SH2D4A: variants seen among roughly 807,000 people sequenced by gnomAD.
SH2D4A encodes SH2 domain containing 4A.
Under a neutral mutation model 64.7 loss-of-function variants are expected in SH2D4A, and 70 were observed. That is an observed-to-expected ratio of 1.08 (90% CI 0.89 to 1.32). The LOEUF (loss-of-function observed/expected upper bound fraction) is 1.32. SH2D4A is among the 40% of genes most tolerant of loss of function. SH2D4A has a pLI of 0.00. For missense variants in SH2D4A, 706 were observed against 540.1 expected (o/e 1.31, Z -3.04); for synonymous variants, 268 against 200.7 (o/e 1.34, Z -2.83).
intron 3 of SH2D4A, among the ~76,000 whole-genome samples, chr8:19,334,140 G>A (rs534143374): frequency 6.6e-6 from 1 of 152,254 alleles, no homozygotes; most frequent in African/African-American, 2.4e-5. Flanking sequence ...GATGTTGACA[G>A]CCTTACCCTG....
At chr8:19,342,769 C>T (rs1490155311) in intron 4 of SH2D4A, among the ~76,000 whole-genome samples, 5 of 152,156 alleles carry the variant, frequency 3.3e-5, no homozygotes, top group Non-Finnish European at 5.9e-5. Context: ...TTGGGCTTTT[C>T]CCCTCCACTA....
At chr8:19,337,826 A>G (rs1172145583) in intron 4 of SH2D4A, among the ~76,000 whole-genome samples, 1 of 152,188 alleles carries the variant, frequency 6.6e-6, no homozygotes, top group African/African-American at 2.4e-5. Flanking sequence ...GCCTCCCACC[A>G]GGTTCCTCCC....
Position 19,357,214 on chromosome 8 carries a change from T to G in SH2D4A, c.525T>G (p.Ser175Arg), listed in dbSNP as rs2052806563. The G allele has an allele frequency of 6.2e-7, 1 of 1,613,378 alleles. No homozygotes were observed. Among genetic ancestry groups the G allele is most frequent in the African/African-American group, 1.3e-5 (1 of 74,932 alleles). ...LEEEKIRSLS[S>R]SSRNIQQMLA... ...CGTTTAATTTTTAGTCACTCTCCAGTTCTTCAAGAAATATTCAACAAATGT... is the reference window on the plus strand; with the variant it reads ...CGTTTAATTTTTAGTCACTCTCCAGGTCTTCAAGAAATATTCAACAAATGT... The change falls in exon 5 of 10, where the codon AGT (serine) becomes AGG (arginine). Residue 175 changes from serine (S) to arginine (R), a missense_variant. Coordinates refer to ENST00000265807, the MANE Select transcript of SH2D4A (RefSeq NM_022071.4).
At chr8:19,315,343 C>T (rs2052069810) in intron 1 of SH2D4A, among the ~76,000 whole-genome samples, 1 of 152,136 alleles carries the variant, frequency 6.6e-6, no homozygotes, top group Non-Finnish European at 1.5e-5. Context: ...GCCATGTTGC[C>T]CAAGCAGGTC....
intron 7 of SH2D4A, among the ~76,000 whole-genome samples, chr8:19,371,006 C>G (rs890055715): frequency 6.6e-6 from 1 of 152,030 alleles, no homozygotes; most frequent in African/African-American, 2.4e-5. Context: ...TACACTTTAC[C>G]TCCATTCTCT....
Position 19,373,518 on chromosome 8 carries a change from T to A in SH2D4A, c.918-12T>A. 6.4e-7 allele frequency: 1 copy of A among 1,566,396 alleles called. No homozygotes were observed. Among genetic ancestry groups the A allele is most frequent in the East Asian group, 2.3e-5 (1 of 44,408 alleles). ...AGTTAAATCTAACTTGAAAAACTTT[T>A]ATAAATAACAGAAATCAGGGAGTGG... On this transcript the variant is annotated splice_polypyrimidine_tract_variant and intron_variant, in intron 7 of 9. Coordinates refer to ENST00000265807, the MANE Select transcript of SH2D4A (RefSeq NM_022071.4).
At chr8:19,315,030 TTTTTA>T (rs1434332745) in intron 1 of SH2D4A, among the ~76,000 whole-genome samples, 3 of 152,264 alleles carry the variant, frequency 2.0e-5, no homozygotes, top group African/African-American at 2.4e-5. Context: ...TTTTATTTAT[TTTTTA>T]TTTTATTAGG....
At chr8:19,389,225 C>G (rs572069506) in intron 8 of SH2D4A, among the ~76,000 whole-genome samples, 1 of 152,182 alleles carries the variant, frequency 6.6e-6, no homozygotes, top group Non-Finnish European at 1.5e-5. Context: ...CCAACCAGAG[C>G]CTGCTGGTGT....
In SH2D4A at chr8:19,373,587, G is replaced by C; in HGVS notation, c.975G>C (p.Trp325Cys). The C allele has an allele frequency of 6.2e-7, 1 of 1,613,354 alleles. No homozygotes were observed. Among genetic ancestry groups the C allele is most frequent in the East Asian group, 2.2e-5 (1 of 44,830 alleles). ...SSSAQEDIIR[W>C]FKEEQLPLRA... ...CTGCCCAAGAGGACATCATCCGGTG[G>C]TTTAAAGAGGAGCAGCTACCACTTC... The change falls in exon 8 of 10, where the codon TGG (tryptophan) becomes TGC (cysteine). Residue 325 changes from tryptophan to cysteine, a missense_variant. Coordinates refer to ENST00000265807, the MANE Select transcript of SH2D4A (RefSeq NM_022071.4).
At position 19,332,153 on chromosome 8, in the gene SH2D4A, G is replaced by T. The variant is rs566315283; in HGVS notation, c.182-802G>T. ...CAATATAAATAAAATAATAAAACCT[G>T]CTTTTTACCCACCTATGAAGCCTGT... On this transcript the variant is annotated intron_variant, in intron 2 of 9. Transcript: ENST00000265807. Among the ~76,000 whole-genome samples the T allele has an allele frequency of 1.1e-3, 172 of 152,108 alleles. 1 individual carries two copies. Among genetic ancestry groups the T allele is most frequent in the African/African-American group, 4.0e-3 (168 of 41,502 alleles).
At chr8:19,375,946 A>G (rs552142758) in intron 8 of SH2D4A, among the ~76,000 whole-genome samples, 5 of 152,128 alleles carry the variant, frequency 3.3e-5, no homozygotes, top group African/African-American at 9.6e-5. Flanking sequence ...GCCCCTGTCT[A>G]TTGCTCCAGT....
At chr8:19,339,519 T>G (rs1028587277) in intron 4 of SH2D4A, among the ~76,000 whole-genome samples, 1 of 151,302 alleles carries the variant, frequency 6.6e-6, no homozygotes, top group Non-Finnish European at 1.5e-5. Flanking sequence ...TTTTTCTTTT[T>G]GAGGCAGGGT....
chr8:19,334,590 CTGTTTTTCACATAATT>C, intron 3 of SH2D4A, 80 bp from the exon 4 acceptor site: 1 of 1,362,958 alleles, frequency 7.3e-7, no homozygotes, highest in Non-Finnish European at 9.9e-7. Context: ...GTGTCAGTTA[CTGTTTTTCACATAATT>C]TGAATGTCGA....
intron 2 of SH2D4A, among the ~76,000 whole-genome samples, chr8:19,329,991 A>G (rs565779710): frequency 3.3e-5 from 5 of 152,312 alleles, no homozygotes; most frequent in African/African-American, 1.2e-4. Flanking sequence ...TGTGATGAAA[A>G]TTCATTAAAT....
At chr8:19,360,710 T>C (rs191026722) in intron 5 of SH2D4A, 1 of 152,340 alleles carries the variant, frequency 6.6e-6, no homozygotes, top group Admixed American at 6.5e-5. Context: ...GAGATTCAGC[T>C]GAGATTGCTC....
At position 19,335,491 on chromosome 8, in the gene SH2D4A, C is replaced by G. The variant is rs182217804; in HGVS notation, c.513+634C>G. Among the ~76,000 whole-genome samples, 793 of 152,256 alleles carry G rather than the reference C, an allele frequency of 5.2e-3. 5 individuals are homozygous for G. The highest frequency in any genetic ancestry group is 0.018 in the African/African-American group (743 of 41,540). On this transcript the variant is annotated intron_variant, in intron 4 of 9. Transcript: ENST00000265807. The stretch of plus-strand genomic sequence containing the variant: ...TGTCTTCTGTTACAGCAGAGGTTGG[C>G]AAACATTTTCTGTAAAGTGCAACAT...
intron 8 of SH2D4A, among the ~76,000 whole-genome samples, chr8:19,377,868 T>C (rs2053222936): frequency 6.6e-6 from 1 of 152,172 alleles, no homozygotes; most frequent in South Asian, 2.1e-4. Flanking sequence ...TGTGCATCTT[T>C]AGTTACACTG....
chr8:19,373,770 G>T, intron 8 of SH2D4A, 110 bp downstream of exon 8: 1 of 1,361,204 alleles, frequency 7.3e-7, no homozygotes, highest in Non-Finnish European at 9.8e-7. Flanking sequence ...TGCCCAAAAA[G>T]AGTCTTTCAG....
rs1354120592 is a variant in SH2D4A, at chr8:19,319,542, G to C, written c.-6G>C. ...CACAAGTATAAAAGACTTCAGAAGT[G>C]CAAAGATGCTGAAACAGATACTGTC... On this transcript the variant is annotated 5_prime_UTR_variant, in exon 2 of 10. Transcript: ENST00000265807. 2 of 1,514,812 alleles carry C rather than the reference G, an allele frequency of 1.3e-6. No individual in the cohort carries two copies. The highest frequency in any genetic ancestry group is 2.8e-5 in the African/African-American group (2 of 70,650). 93.8% of individuals were successfully genotyped at this position (1,514,812 alleles called of 1,614,324 possible).
Sources: allele counts gnomAD v4.1 joint callset (sites outside exome capture counted in the v4.1 genomes callset), GRCh38; gene constraint gnomAD v4.1.1; transcripts MANE v1.5; gene names NCBI Gene and HGNC (gene_info 2026-07-23, HGNC 2026-07-21).